Variants in ZMYND11 observed in about 807,000 individuals in gnomAD.
The protein encoded by ZMYND11 is zinc finger MYND-type containing 11, also known as zinc finger MYND domain-containing protein 11.
Under a neutral mutation model 84.9 loss-of-function variants are expected in ZMYND11, and 9 were observed. The observed-to-expected ratio is 0.11, with a 90% CI of 0.06 to 0.18. The LOEUF is 0.18. ZMYND11 is among the 10% of genes least tolerant of loss of function. The pLI, the probability that ZMYND11 is intolerant of heterozygous loss-of-function variation, is 1.00. For missense variants in ZMYND11, 409 were observed against 761.0 expected (o/e 0.54, Z 5.44); for synonymous variants, 250 against 244.1 (o/e 1.02, Z -0.23).
At chr10:224,957 G>C (rs1947838690) in intron 4 of ZMYND11, among the ~76,000 whole-genome samples, 1 of 151,864 alleles carries the variant, frequency 6.6e-6, no homozygotes, top group African/African-American at 2.4e-5. Flanking sequence ...TTTATATTTT[G>C]TTTTATTTGA....
rs1321089116 is a variant in ZMYND11, at chr10:194,062, A to G, written c.116+13934A>G. On this transcript the variant is annotated intron_variant, in intron 2 of 14. Transcript: ENST00000381604. ...TGCAATAGTACAATCTCAGCTCACT[A>G]CAGCCTCAACCTCCTGGGCTCAAGC... is the stretch of plus-strand genomic sequence containing the variant. Among the ~76,000 whole-genome samples, 4 of 152,090 alleles carry G rather than the reference A, an allele frequency of 2.6e-5. No individual in the cohort carries two copies. The East Asian group carries it at 7.7e-4, about 29-fold the overall frequency.
At chr10:249,932 G>C (rs896462228) in intron 14 of ZMYND11, 2 of 252,024 alleles carry the variant, frequency 7.9e-6, no homozygotes, top group African/African-American at 4.6e-5. Context: ...GGTAGGAAGA[G>C]CTGGTGAATA....
At chr10:137,812 A>G (rs1164301012) in intron 1 of ZMYND11, among the ~76,000 whole-genome samples, 2 of 152,216 alleles carry the variant, frequency 1.3e-5, no homozygotes, top group African/African-American at 4.8e-5. Flanking sequence ...AGGCTAGAGA[A>G]TCAGAGATCA....
chr10:161,092 G>T (rs2131491407), intron 1 of ZMYND11, among the ~76,000 whole-genome samples: 1 of 151,790 alleles, frequency 6.6e-6, no homozygotes, highest in East Asian at 1.9e-4. Flanking sequence ...CTCCCAAAGT[G>T]CTGGGATTAC....
chr10:202,300 T>A (rs758267192), intron 2 of ZMYND11, among the ~76,000 whole-genome samples: 1 of 152,138 alleles, frequency 6.6e-6, no homozygotes, highest in Admixed American at 6.6e-5. Flanking sequence ...TGAAGAAAAA[T>A]AGGTATGAAT....
chr10:202,566 G>T (rs2436025), intron 2 of ZMYND11, among the ~76,000 whole-genome samples: 2 of 152,002 alleles, frequency 1.3e-5, no homozygotes, highest in Admixed American at 1.3e-4. Flanking sequence ...TCCTTTGTTA[G>T]ATTCTCAAGG....
chr10:151,180 G>A (rs939147685), intron 1 of ZMYND11, among the ~76,000 whole-genome samples: 4 of 152,142 alleles, frequency 2.6e-5, no homozygotes, highest in Non-Finnish European at 1.5e-5. Flanking sequence ...CCAAAGGAAC[G>A]CAGTCCTCAC....
chr10:212,617 G>C (rs1231690411), intron 3 of ZMYND11, among the ~76,000 whole-genome samples: 1 of 151,558 alleles, frequency 6.6e-6, no homozygotes, highest in Non-Finnish European at 1.5e-5. Context: ...TCAGCCCTCA[G>C]CTGTCGTATG....
chr10:151,497 A>T (rs556731634), intron 1 of ZMYND11, among the ~76,000 whole-genome samples: 1 of 152,244 alleles, frequency 6.6e-6, no homozygotes, highest in Non-Finnish European at 1.5e-5. Context: ...AAATAAATCC[A>T]CAAGAGGAGT....
chr10:152,076 G>A (rs1214897348), intron 1 of ZMYND11, among the ~76,000 whole-genome samples: 2 of 152,112 alleles, frequency 1.3e-5, no homozygotes, highest in Non-Finnish European at 2.9e-5. Flanking sequence ...CACTAAACAT[G>A]GAAAGGAACA....
At chr10:155,764 A>G (rs1841552798) in intron 1 of ZMYND11, among the ~76,000 whole-genome samples, 1 of 152,222 alleles carries the variant, frequency 6.6e-6, no homozygotes, top group Non-Finnish European at 1.5e-5. Context: ...TATAATTTAA[A>G]AACTCTTGCC....
intron 6 of ZMYND11, among the ~76,000 whole-genome samples, chr10:237,879 A>G (rs1589185510): frequency 6.6e-6 from 1 of 152,330 alleles, no homozygotes; most frequent in Non-Finnish European, 1.5e-5. Context: ...CTCTAATGCA[A>G]ATTAGGTGTC....
chr10:243,910 G>A (rs17293364), intron 10 of ZMYND11, among the ~76,000 whole-genome samples: 5,093 of 152,238 alleles, frequency 0.033, 126 homozygotes, highest in Non-Finnish European at 0.051. Context: ...CAGTCCTAGA[G>A]TAGTCTGTCA....
chr10:167,212 T>C lies in ZMYND11; in HGVS notation c.-19-12782T>C, dbSNP rs187773860. On this transcript the variant is annotated intron_variant, in intron 1 of 14. Transcript: ENST00000381604. ...AAGTAGTTAGTGCTGCCAGATTGTG[T>C]ACTCAAAAATGGGTAAGATGGCAAA... Among the ~76,000 whole-genome samples, 499 of 152,256 alleles carry C rather than the reference T, an allele frequency of 3.3e-3. 1 individual carries two copies. In the Middle Eastern group the frequency reaches 0.034, roughly 10 times the overall value.
chr10:139,952 C>T (rs1837116832), intron 1 of ZMYND11, among the ~76,000 whole-genome samples: 1 of 151,922 alleles, frequency 6.6e-6, no homozygotes, highest in Admixed American at 6.6e-5. Flanking sequence ...GTGATCTGCC[C>T]ATCTTGGCCT....
intron 3 of ZMYND11, among the ~76,000 whole-genome samples, chr10:217,341 C>T (rs1052943388): frequency 2.0e-5 from 3 of 151,904 alleles, no homozygotes; most frequent in Non-Finnish European, 2.9e-5. Context: ...GGTAACATGG[C>T]GAAATCCCGT....
intron 10 of ZMYND11, among the ~76,000 whole-genome samples, chr10:246,116 G>A (rs1952094741): frequency 6.6e-6 from 1 of 152,144 alleles, no homozygotes; most frequent in African/African-American, 2.4e-5. Context: ...AGCAAATGTA[G>A]TTGTCCTGCT....
intron 1 of ZMYND11, among the ~76,000 whole-genome samples, chr10:171,841 C>A (rs1265490321): frequency 6.6e-6 from 1 of 152,144 alleles, no homozygotes; most frequent in Admixed American, 6.5e-5. Flanking sequence ...GTCCCCTCAC[C>A]ACACTGCCTT....
chr10:142,953 C>T (rs895844160), intron 1 of ZMYND11, among the ~76,000 whole-genome samples: 4 of 152,096 alleles, frequency 2.6e-5, no homozygotes, highest in Admixed American at 6.5e-5. Context: ...GCACTGGAGG[C>T]GGGGCACCTG....
Sources: gnomAD v4.1 joint callset for allele counts (sites outside exome capture counted in the v4.1 genomes callset) on GRCh38, gnomAD v4.1.1 for gene constraint, MANE v1.5 for transcripts, NCBI Gene and HGNC (gene_info 2026-07-23, HGNC 2026-07-21) for gene names.